The following UNC80 variants were observed in gnomAD, a reference collection of about 807,000 sequenced individuals.
UNC80 encodes the protein protein unc-80 homolog.
In UNC80, 164 loss-of-function variants were observed where a neutral mutation model predicts 384.6. That is an observed-to-expected ratio of 0.43 (90% confidence interval 0.38 to 0.49). UNC80 has a LOEUF of 0.49. Among genes scored for constraint, UNC80 ranks in the 20% least tolerant of loss-of-function variants. The probability of loss-of-function intolerance (pLI) is 0.00; values close to 1 mark genes in which losing one functional copy is unlikely to be tolerated. For synonymous variants in UNC80, 1,486 were observed against 1,527.8 expected (o/e 0.97, Z 0.64); for missense variants, 3,330 against 4,143.0 (o/e 0.80, Z 5.39).
chr2:209,823,959 C>T (rs181618491), intron 13 of UNC80, among the ~76,000 whole-genome samples: 35 of 152,244 alleles, frequency 2.3e-4, no homozygotes, highest in African/African-American at 7.5e-4. Flanking sequence ...TACCTGACCT[C>T]ATGTGACAAG....
intron 4 of UNC80, among the ~76,000 whole-genome samples, chr2:209,783,605 A>G (rs2077265387): frequency 6.6e-6 from 1 of 152,188 alleles, no homozygotes; most frequent in Non-Finnish European, 1.5e-5. Flanking sequence ...AGATGTATTT[A>G]GTAAAACAAA....
Position 209,822,356 on chromosome 2 carries a change from A to G in UNC80, c.2331+1677A>G, listed in dbSNP as rs532596175. On this transcript the variant is annotated intron_variant, in intron 13 of 64. Coordinates refer to ENST00000673920, the MANE Select transcript of UNC80 (RefSeq NM_001371986.1). ...TATAGATCACAAGAGATTTGATTGCATATGCTAAGATCTAAAGAATCATTC... is the reference window on the plus strand; with the variant it reads ...TATAGATCACAAGAGATTTGATTGCGTATGCTAAGATCTAAAGAATCATTC... Among the ~76,000 whole-genome samples, 16 of 152,328 alleles carry G rather than the reference A, an allele frequency of 1.1e-4. No individual in the cohort carries two copies. The South Asian group carries it at 3.1e-3, about 30-fold the overall frequency.
At chr2:209,804,039 T>C (rs1023483760) in intron 7 of UNC80, among the ~76,000 whole-genome samples, 1 of 152,172 alleles carries the variant, frequency 6.6e-6, no homozygotes, top group Non-Finnish European at 1.5e-5. Context: ...TCCCAGCCTT[T>C]ATTTAGATTT....
At chr2:209,776,991 T>A (rs1020211695) in intron 3 of UNC80, among the ~76,000 whole-genome samples, 1 of 152,160 alleles carries the variant, frequency 6.6e-6, no homozygotes, top group Non-Finnish European at 1.5e-5. Flanking sequence ...AGAGTCTATA[T>A]TTTTAACCAC....
intron 29 of UNC80, among the ~76,000 whole-genome samples, chr2:209,909,272 A>C (rs917801105): frequency 2.6e-5 from 4 of 152,174 alleles, no homozygotes; most frequent in African/African-American, 9.7e-5. Flanking sequence ...TCTAGTCAAT[A>C]ATTTTTGTTG....
intron 61 of UNC80, among the ~76,000 whole-genome samples, chr2:209,989,174 A>G (rs994448872): frequency 2.0e-5 from 3 of 151,422 alleles, no homozygotes; most frequent in African/African-American, 7.3e-5. Flanking sequence ...AAAAAAAAAA[A>G]AGTATTCAGG....
At chr2:209,811,459 A>G (rs2079342230) in intron 7 of UNC80, among the ~76,000 whole-genome samples, 1 of 152,202 alleles carries the variant, frequency 6.6e-6, no homozygotes, top group Middle Eastern at 3.2e-3. Flanking sequence ...AATAAGCCTG[A>G]TGAGAGATGT....
chr2:209,895,177 G>A (rs1035777876), intron 27 of UNC80, among the ~76,000 whole-genome samples: 2 of 152,118 alleles, frequency 1.3e-5, no homozygotes, highest in African/African-American at 4.8e-5. Context: ...TAATAGACAA[G>A]CAAAAGATTA....
intron 49 of UNC80, among the ~76,000 whole-genome samples, chr2:209,958,888 A>G (rs1172996799): frequency 2.6e-5 from 4 of 152,216 alleles, no homozygotes; most frequent in Non-Finnish European, 5.9e-5. Flanking sequence ...AGTCGTCTTT[A>G]CCCAAATCAC....
At chr2:209,909,731 G>A (rs920914083) in intron 29 of UNC80, among the ~76,000 whole-genome samples, 13 of 152,084 alleles carry the variant, frequency 8.5e-5, no homozygotes, top group South Asian at 2.1e-4. Context: ...TCAGGATGCC[G>A]AGAGGAGTCA....
chr2:209,794,026 G>T (rs2078002689), intron 7 of UNC80, among the ~76,000 whole-genome samples, 167 bp downstream of exon 7: 1 of 152,198 alleles, frequency 6.6e-6, no homozygotes, highest in Non-Finnish European at 1.5e-5. Flanking sequence ...AATATGCTAT[G>T]AATGGCTCTC....
At chr2:209,971,071 T>C in intron 54 of UNC80, 114 bp downstream of exon 54, 2 of 1,325,390 alleles carry the variant, frequency 1.5e-6, no homozygotes, top group South Asian at 3.2e-5. Flanking sequence ...AACAAAAGTG[T>C]AAACATCTCT....
In UNC80 at chr2:209,784,483, G is replaced by C. The variant is rs181960396; in HGVS notation, c.601-1583G>C. ...CTTTTCTCACATTCACTTGACTCTGGGCACACAGTCTCTTGGCTGTTTCTG... is the reference window on the plus strand; with the variant it reads ...CTTTTCTCACATTCACTTGACTCTGCGCACACAGTCTCTTGGCTGTTTCTG... On this transcript the variant is annotated intron_variant, in intron 4 of 64. Transcript: ENST00000673920. Among the ~76,000 whole-genome samples, 273 of 151,840 alleles carry C rather than the reference G, an allele frequency of 1.8e-3. 2 individuals carry two copies. Among genetic ancestry groups the C allele is most frequent in the African/African-American group, 6.3e-3 (259 of 41,422 alleles).
chr2:209,846,962 T>C (rs1358407253), intron 21 of UNC80, among the ~76,000 whole-genome samples: 1 of 152,070 alleles, frequency 6.6e-6, no homozygotes, highest in Non-Finnish European at 1.5e-5. Context: ...TACATTAAGT[T>C]TTTCTAACAT....
At chr2:209,807,626 G>A (rs1029835977) in intron 7 of UNC80, among the ~76,000 whole-genome samples, 1 of 151,746 alleles carries the variant, frequency 6.6e-6, no homozygotes, top group Admixed American at 6.6e-5. Flanking sequence ...GCCTCCCAAA[G>A]TGCTCAGATT....
intron 13 of UNC80, 26 bp from the exon 14 acceptor site, chr2:209,825,877 TTTTC>T: frequency 6.7e-7 from 1 of 1,503,746 alleles, no homozygotes; most frequent in African/African-American, 1.4e-5. Context: ...GTAAACAGAC[TTTTC>T]TTTCTTTCTC....
chr2:209,992,475 T>G (rs1442048389), intron 62 of UNC80, among the ~76,000 whole-genome samples: 2 of 151,632 alleles, frequency 1.3e-5, no homozygotes, highest in Non-Finnish European at 2.9e-5. Context: ...AAAACAATGT[T>G]TTTTTTTTAA....
chr2:209,936,746 T>C, intron 40 of UNC80, 98 bp from the exon 41 acceptor site: 1 of 740,146 alleles, frequency 1.4e-6, no homozygotes, highest in Middle Eastern at 2.6e-4. Flanking sequence ...TCGTAAGAGG[T>C]TACCTTGTTT....
intron 4 of UNC80, among the ~76,000 whole-genome samples, chr2:209,777,992 T>A (rs1340364750): frequency 1.3e-5 from 2 of 152,210 alleles, no homozygotes; most frequent in East Asian, 3.9e-4. Flanking sequence ...GTCCTCAAAA[T>A]GCAACTTTAA....
Sources: gnomAD v4.1 joint callset for allele counts (sites outside exome capture counted in the v4.1 genomes callset) on GRCh38, gnomAD v4.1.1 for gene constraint, MANE v1.5 for transcripts, NCBI Gene and HGNC (gene_info 2026-07-23, HGNC 2026-07-21) for gene names.